Variants in PARD3 observed in about 807,000 individuals in gnomAD.
PARD3 encodes par-3 family cell polarity regulator.
Under a neutral mutation model 155.4 loss-of-function variants are expected in PARD3, and 75 were observed. The observed-to-expected ratio is 0.48, with a 90% CI of 0.40 to 0.58. The LOEUF (loss-of-function observed/expected upper bound fraction) is 0.58, where lower values mean the gene tolerates loss of function less well. PARD3 is among the 20% of genes least tolerant of loss of function. The probability of loss-of-function intolerance (pLI) is 0.00; values close to 1 mark genes in which losing one functional copy is unlikely to be tolerated. For synonymous variants in PARD3, 576 were observed against 610.5 expected (o/e 0.94, Z 0.83); for missense variants, 1,642 against 1,721.7 (o/e 0.95, Z 0.82).
intron 9 of PARD3, among the ~76,000 whole-genome samples, chr10:34,380,879 T>C (rs1841752081): frequency 6.6e-6 from 1 of 152,194 alleles, no homozygotes; most frequent in Non-Finnish European, 1.5e-5. Context: ...TTTATACGAT[T>C]CTATTTGTAG....
intron 21 of PARD3, among the ~76,000 whole-genome samples, chr10:34,273,388 T>C (rs918768782): frequency 5.9e-5 from 9 of 152,162 alleles, no homozygotes; most frequent in Non-Finnish European, 8.8e-5. Context: ...AAAACCCCAG[T>C]CAATCTCACA....
At chr10:34,205,098 A>G (rs1318467057) in intron 22 of PARD3, among the ~76,000 whole-genome samples, 1 of 152,230 alleles carries the variant, frequency 6.6e-6, no homozygotes, top group Non-Finnish European at 1.5e-5. Flanking sequence ...CATCATAAGC[A>G]CATTTCACCA....
chr10:34,490,762 C>T (rs1474037380), intron 3 of PARD3, among the ~76,000 whole-genome samples: 1 of 152,204 alleles, frequency 6.6e-6, no homozygotes, highest in Non-Finnish European at 1.5e-5. Flanking sequence ...CTTAAGACCT[C>T]CCCATCCAAA....
At chr10:34,813,591 T>C (rs1844492248) in intron 1 of PARD3, among the ~76,000 whole-genome samples, 1 of 152,110 alleles carries the variant, frequency 6.6e-6, no homozygotes, top group Non-Finnish European at 1.5e-5. Context: ...TCTCCAAACG[T>C]CCCCCAAAAT....
At chr10:34,686,707 C>A (rs2093958774) in intron 2 of PARD3, among the ~76,000 whole-genome samples, 2 of 151,642 alleles carry the variant, frequency 1.3e-5, no homozygotes, top group Admixed American at 1.3e-4. Context: ...TACCATTGCA[C>A]TCCAGCCTGG....
rs116078691 is a variant in PARD3 at position 34,698,325 on chromosome 10, T to C, written c.121-1906A>G. On this transcript the variant is annotated intron_variant, in intron 1 of 24. Coordinates refer to ENST00000374788, the MANE Select transcript of PARD3 (RefSeq NM_001184785.2). ...CATAACTTCATCCTTCAGAACTTGC[T>C]ACATTTCCACCTTTTCCCCAGCACT... 7.7e-3 allele frequency among the ~76,000 whole-genome samples: 1,166 copies of C among 152,250 alleles called. 14 individuals carry two copies. The highest frequency in any genetic ancestry group is 0.027 in the African/African-American group (1,126 of 41,542).
At chr10:34,147,896 G>C (rs1414027777) in intron 22 of PARD3, among the ~76,000 whole-genome samples, 2 of 152,070 alleles carry the variant, frequency 1.3e-5, no homozygotes, top group Non-Finnish European at 2.9e-5. Flanking sequence ...GAAGGGGGCA[G>C]TGCCAGCTTC....
chr10:34,646,055 A>C (rs2092828355), intron 2 of PARD3, among the ~76,000 whole-genome samples: 2 of 152,360 alleles, frequency 1.3e-5, no homozygotes, highest in East Asian at 3.9e-4. Context: ...ACGCAGGAAC[A>C]GTCACAAAAT....
At chr10:34,556,198 T>A (rs1006205937) in intron 2 of PARD3, among the ~76,000 whole-genome samples, 2 of 152,216 alleles carry the variant, frequency 1.3e-5, no homozygotes, top group African/African-American at 4.8e-5. Context: ...CGATGCTGGT[T>A]GAGGTTATGA....
At chr10:34,708,517 A>G (rs2133603456) in intron 1 of PARD3, among the ~76,000 whole-genome samples, 1 of 152,302 alleles carries the variant, frequency 6.6e-6, no homozygotes, top group East Asian at 1.9e-4. Context: ...AAGTGTTATA[A>G]TATCTGTACT....
intron 2 of PARD3, 59 bp downstream of exon 2, chr10:34,696,259 C>T: frequency 2.3e-6 from 2 of 870,200 alleles, no homozygotes; most frequent in Admixed American, 4.2e-5. Context: ...CGCACCCGCT[C>T]CCTAGTCCTC....
intron 21 of PARD3, among the ~76,000 whole-genome samples, chr10:34,280,971 T>C (rs772067992): frequency 1.1e-4 from 17 of 152,220 alleles, no homozygotes; most frequent in Non-Finnish European, 1.8e-4. Flanking sequence ...CATTCTCTGC[T>C]GCTGAACACT....
chr10:34,598,892 T>C (rs1379551166), intron 2 of PARD3, among the ~76,000 whole-genome samples: 1 of 152,158 alleles, frequency 6.6e-6, no homozygotes, highest in Non-Finnish European at 1.5e-5. Flanking sequence ...CCATGAAGGA[T>C]GGCCTTCCAG....
intron 1 of PARD3, among the ~76,000 whole-genome samples, chr10:34,699,011 C>T (rs1228594140): frequency 6.6e-6 from 1 of 152,172 alleles, no homozygotes; most frequent in Non-Finnish European, 1.5e-5. Flanking sequence ...TGTTGTCTGT[C>T]CTCATCTTAT....
At chr10:34,613,929 G>A (rs2091081124) in intron 2 of PARD3, among the ~76,000 whole-genome samples, 1 of 152,050 alleles carries the variant, frequency 6.6e-6, no homozygotes, top group East Asian at 1.9e-4. Context: ...ATCTTTTCCT[G>A]AACTAACTTA....
chr10:34,219,142 G>GA (rs1952153128), intron 22 of PARD3, among the ~76,000 whole-genome samples: 1 of 152,034 alleles, frequency 6.6e-6, no homozygotes, highest in Admixed American at 6.6e-5. Context: ...AAATCAAAAT[G>GA]AAAAAATCTA....
chr10:34,111,704 A>G (rs1049252418), intron 24 of PARD3, 142 bp from the exon 25 acceptor site: 22 of 689,926 alleles, frequency 3.2e-5, no homozygotes, highest in Non-Finnish European at 5.3e-5. Context: ...ACACTGCGAT[A>G]GGGGCTGGAG....
intron 1 of PARD3, among the ~76,000 whole-genome samples, chr10:34,719,311 A>G (rs1366311454): frequency 6.6e-6 from 1 of 152,198 alleles, no homozygotes; most frequent in Non-Finnish European, 1.5e-5. Context: ...TTTCAAGGGA[A>G]AAAAAGCATT....
chr10:34,405,667 C>T (rs1426096372), intron 5 of PARD3, among the ~76,000 whole-genome samples: 1 of 152,144 alleles, frequency 6.6e-6, no homozygotes, highest in East Asian at 1.9e-4. Flanking sequence ...TACCTGAAAG[C>T]TACACCTTCA....
Sources: allele counts gnomAD v4.1 joint callset (sites outside exome capture counted in the v4.1 genomes callset), GRCh38; gene constraint gnomAD v4.1.1; transcripts MANE v1.5; gene names NCBI Gene and HGNC (gene_info 2026-07-23, HGNC 2026-07-21).